Variants in XNDC1N observed in about 807,000 individuals in gnomAD.
XNDC1N encodes the protein protein XNDC1N.
At chr11:71,920,889 T>C in the XNDC1N span, among the ~76,000 whole-genome samples, 4 of 152,162 alleles carry the variant, frequency 2.6e-5, no homozygotes, top group Admixed American at 2.6e-4. Flanking sequence ...CGCTTGAACC[T>C]GGGAGGCGGA....
chr11:71,923,854 C>T, the XNDC1N span, among the ~76,000 whole-genome samples: 5 of 152,050 alleles, frequency 3.3e-5, no homozygotes, highest in Non-Finnish European at 7.4e-5. Context: ...TGTGCCTGGC[C>T]GAGTCAGTCC....
chr11:71,904,952 G>C, the XNDC1N span, among the ~76,000 whole-genome samples: 1 of 151,560 alleles, frequency 6.6e-6, no homozygotes, highest in African/African-American at 2.4e-5. Flanking sequence ...AGTACACCCC[G>C]TGTGACATTA....
chr11:71,895,857 C>T, the XNDC1N span, among the ~76,000 whole-genome samples: 1 of 152,136 alleles, frequency 6.6e-6, no homozygotes, highest in African/African-American at 2.4e-5. Context: ...ATTATGCAAC[C>T]TAAAAAGGAA....
the XNDC1N span, among the ~76,000 whole-genome samples, chr11:71,876,121 A>G: frequency 2.6e-5 from 4 of 152,220 alleles, no homozygotes; most frequent in African/African-American, 9.6e-5. Flanking sequence ...AGTACTGCTG[A>G]AGGCAGGAAA....
the XNDC1N span, among the ~76,000 whole-genome samples, chr11:71,901,425 C>T: frequency 2.0e-5 from 3 of 151,964 alleles, no homozygotes; most frequent in Non-Finnish European, 2.9e-5. Flanking sequence ...GGTGAAACCA[C>T]GTCTCTACTC....
chr11:71,890,978 G>A, the XNDC1N span, among the ~76,000 whole-genome samples: 12 of 151,946 alleles, frequency 7.9e-5, no homozygotes, highest in African/African-American at 2.9e-4. Flanking sequence ...CATCACAGGA[G>A]GGGTGTACTG....
chr11:71,884,287 T>C, the XNDC1N span: 4 of 1,187,388 alleles, frequency 3.4e-6, no homozygotes, highest in Non-Finnish European at 4.5e-6. Context: ...TCTTTTGCTG[T>C]TGTTTTTGTT....
At chr11:71,922,210 A>G in the XNDC1N span, among the ~76,000 whole-genome samples, 4,342 of 152,324 alleles carry the variant, frequency 0.029, 222 homozygotes, top group African/African-American at 0.099. Flanking sequence ...CCATGCAGGT[A>G]AGGAGGGTAA....
chr11:71,883,753 T>C, the XNDC1N span, among the ~76,000 whole-genome samples: 1 of 152,200 alleles, frequency 6.6e-6, no homozygotes, highest in African/African-American at 2.4e-5. Flanking sequence ...GGAATATTTA[T>C]GGGAGATTAT....
chr11:71,905,173 G>A, the XNDC1N span, among the ~76,000 whole-genome samples: 1 of 151,972 alleles, frequency 6.6e-6, no homozygotes. Flanking sequence ...TACACTCAAC[G>A]TGATATTTGA....
At chr11:71,867,105 A>G in the XNDC1N span, among the ~76,000 whole-genome samples, 9 of 152,210 alleles carry the variant, frequency 5.9e-5, no homozygotes, top group Admixed American at 2.0e-4. Context: ...ATAGACTGTG[A>G]TGGGTTAAAG....
the XNDC1N span, among the ~76,000 whole-genome samples, chr11:71,886,010 C>T: frequency 1.3e-5 from 2 of 151,814 alleles, no homozygotes; most frequent in Non-Finnish European, 2.9e-5. Context: ...TTATTAATTG[C>T]GGTAAGTCGC....
the XNDC1N span, among the ~76,000 whole-genome samples, chr11:71,879,641 A>G: frequency 2.0e-5 from 3 of 152,096 alleles, no homozygotes; most frequent in Non-Finnish European, 4.4e-5. Context: ...CATAATATTC[A>G]TTGCCTTAAA....
chr11:71,871,081 A>G, the XNDC1N span, among the ~76,000 whole-genome samples: 1 of 152,234 alleles, frequency 6.6e-6, no homozygotes, highest in African/African-American at 2.4e-5. Context: ...CTGCATTTCC[A>G]TGTTCATTGC....
chr11:71,877,802 A>G, the XNDC1N span, among the ~76,000 whole-genome samples: 1 of 152,136 alleles, frequency 6.6e-6, no homozygotes. Flanking sequence ...GTTTCTTTGT[A>G]TATATTATTT....
the XNDC1N span, among the ~76,000 whole-genome samples, chr11:71,913,327 AC>A: frequency 6.6e-6 from 1 of 151,200 alleles, no homozygotes; most frequent in Non-Finnish European, 1.5e-5. Context: ...GGGTGTGTTA[AC>A]CCCCTGCGAT....
chr11:71,902,915 G>A, the XNDC1N span, among the ~76,000 whole-genome samples: 1 of 152,136 alleles, frequency 6.6e-6, no homozygotes, highest in Non-Finnish European at 1.5e-5. Flanking sequence ...TATATATGAC[G>A]ATCTGGTTCT....
At chr11:71,884,497 G>A in the XNDC1N span, 1 of 1,610,348 alleles carries the variant, frequency 6.2e-7, no homozygotes, top group African/African-American at 1.3e-5. Flanking sequence ...ATTAGATACT[G>A]TGCTGACTTC....
chr11:71,928,015 G>A, the XNDC1N span: 1 of 164,408 alleles, frequency 6.1e-6, no homozygotes, highest in Non-Finnish European at 1.3e-5. Flanking sequence ...CTACAGGCTT[G>A]CAAGGTATCG....
Sources: allele counts gnomAD v4.1 joint callset (sites outside exome capture counted in the v4.1 genomes callset), GRCh38; gene constraint gnomAD v4.1.1; transcripts MANE v1.5; gene names NCBI Gene and HGNC (gene_info 2026-07-23, HGNC 2026-07-21).